TAF1D: variants seen among roughly 807,000 people sequenced by gnomAD.
TAF1D encodes the protein TATA box-binding protein-associated factor RNA polymerase I subunit D.
A neutral mutation model predicts 26.2 loss-of-function variants in TAF1D; 23 were observed. The ratio of observed to expected loss-of-function variants is 0.88; its 90% CI spans 0.63 to 1.25. TAF1D has a LOEUF of 1.25. Ranked by LOEUF, TAF1D falls within the 50% of genes most tolerant of loss-of-function variation. The pLI, the probability that TAF1D is intolerant of heterozygous loss-of-function variation, is 0.00. For missense variants in TAF1D, 299 were observed against 322.0 expected (o/e 0.93, Z 0.55); for synonymous variants, 100 against 105.6 (o/e 0.95, Z 0.33).
At chr11:93,736,530 T>C in intron 5 of TAF1D, 164 bp downstream of exon 5, 4 of 1,424,266 alleles carry the variant, frequency 2.8e-6, no homozygotes, top group Non-Finnish European at 3.7e-6. Context: ...ATGTTCTTTA[T>C]CAAGTCTCTA....
At chr11:93,736,377 G>C in intron 5 of TAF1D, 73 bp from the exon 6 acceptor site, 1 of 1,483,368 alleles carries the variant, frequency 6.7e-7, no homozygotes, top group Admixed American at 2.7e-5. Flanking sequence ...ATAGCTGAAT[G>C]CCCTGGATTA....
At position 93,736,065 on chromosome 11, in the gene TAF1D, T is replaced by C; in HGVS notation, c.*96A>G. 1 of 1,504,540 alleles carries C rather than the reference T, an allele frequency of 6.6e-7. No individual in the cohort carries two copies. Among genetic ancestry groups the C allele is most frequent in the Non-Finnish European group, 8.8e-7 (1 of 1,135,290 alleles). 93.2% of individuals were successfully genotyped at this position (1,504,540 alleles called of 1,614,324 possible). A position where few individuals can be genotyped will look rare whatever the true frequency, so the allele number is the denominator to read the frequency against. On this transcript the variant is annotated 3_prime_UTR_variant, in exon 6 of 6. Transcript: ENST00000448108. ...TAAAGTTCTGGGTTTCAGAATTTCT[T>C]CACCACCAGACTGGTACATATATCC... is the stretch of plus-strand genomic sequence containing the variant.
At position 93,741,457 on chromosome 11, in the gene TAF1D, A is replaced by G; in HGVS notation, c.-163T>C. ...CCCGACCTCAGCCCTCCAACTCCCG[A>G]TAACCAGCCGACCTCCTCCAACCGT... On this transcript the variant is annotated 5_prime_UTR_variant, in exon 1 of 6. Coordinates refer to ENST00000448108, the MANE Select transcript of TAF1D (RefSeq NM_024116.4). 1 of 456,154 alleles carries G rather than the reference A, an allele frequency of 2.2e-6. No individual in the cohort carries two copies. The highest frequency in any genetic ancestry group is 4.4e-6 in the Non-Finnish European group (1 of 226,948). The allele number at this position is 456,154 out of a possible 1,614,324, so 28.3% of individuals were successfully genotyped here.
At chr11:93,732,472 C>CTGCTGAGTGCAGA, downstream of TAF1D, 1 of 518,858 alleles carries the variant, frequency 1.9e-6, no homozygotes, top group Non-Finnish European at 3.8e-6. Context: ...CAGGTGTAAA[C>CTGCTGAGTGCAGA]TGCTGAGTGC....
At chr11:93,740,258 C>T (rs961915038) in intron 1 of TAF1D, among the ~76,000 whole-genome samples, 34 of 151,606 alleles carry the variant, frequency 2.2e-4, no homozygotes, top group Non-Finnish European at 4.7e-4. Context: ...GCCTCAGCAA[C>T]ACAAGGAGAC....
downstream of TAF1D, chr11:93,734,182 AG>A: frequency 6.5e-6 from 1 of 153,712 alleles, no homozygotes; most frequent in East Asian, 1.9e-4. Flanking sequence ...TATAAAATAC[AG>A]GAATATAATG....
chr11:93,735,022 G>A, downstream of TAF1D: 2 of 1,238,718 alleles, frequency 1.6e-6, no homozygotes, highest in Admixed American at 2.6e-5. Flanking sequence ...CCTTGGTGTG[G>A]GGATTGCAGG....
chr11:93,731,186 T>C (rs1019009032), downstream of TAF1D: 2 of 438,414 alleles, frequency 4.6e-6, no homozygotes, highest in African/African-American at 4.1e-5. Flanking sequence ...CGTTTTAATA[T>C]GGATATACTG....
downstream of TAF1D, chr11:93,731,190 T>C (rs553411458): frequency 4.6e-6 from 2 of 437,912 alleles, no homozygotes; most frequent in African/African-American, 2.0e-5. Flanking sequence ...TTAATATGGA[T>C]ATACTGATGA....
chr11:93,733,747 C>A, downstream of TAF1D: 1 of 312,616 alleles, frequency 3.2e-6, no homozygotes. Flanking sequence ...AGCCTCAAAC[C>A]GCTGGGCTCA....
intron 5 of TAF1D, 173 bp from the exon 6 acceptor site, chr11:93,736,477 A>T: frequency 7.0e-7 from 1 of 1,425,184 alleles, no homozygotes; most frequent in Non-Finnish European, 9.1e-7. Context: ...TAGCAATAAT[A>T]TGTATCAGAA....
downstream of TAF1D, chr11:93,733,649 CTT>C (rs1294253303): frequency 2.0e-6 from 1 of 489,990 alleles, no homozygotes; most frequent in African/African-American, 2.0e-5. Context: ...TCTGCCATGT[CTT>C]TTAAAAATCG....
At chr11:93,736,786 A>C in intron 4 of TAF1D, 35 bp from the exon 5 acceptor site, 1 of 1,581,414 alleles carries the variant, frequency 6.3e-7, no homozygotes, top group Non-Finnish European at 8.6e-7. Context: ...AGATGACAGA[A>C]TCTTCGATGA....
chr11:93,737,283 A>G (rs1940989463), intron 3 of TAF1D, 44 bp from the exon 4 acceptor site: 2 of 1,443,222 alleles, frequency 1.4e-6, no homozygotes, highest in African/African-American at 2.9e-5. Flanking sequence ...TTTTATTTTT[A>G]AGACCCAGCA....
At chr11:93,731,573 C>T (rs752592599), downstream of TAF1D, 8 of 518,624 alleles carry the variant, frequency 1.5e-5, no homozygotes, top group South Asian at 2.8e-5. Context: ...ATCATAACAT[C>T]GTTAATAATG....
rs1385201471 is a variant in TAF1D, at chr11:93,737,086, T to G, written c.613A>C (p.Ile205Leu). The G allele has an allele frequency of 6.2e-7, 1 of 1,605,878 alleles. No homozygotes were observed. Among genetic ancestry groups the G allele is most frequent in the Non-Finnish European group, 8.5e-7 (1 of 1,177,174 alleles). ...TACGTTGACTCCTCAATAGGAGAAA[T>G]GGATCCATCATCATCCAAAAATTTG... ...RYKFLDDDGS[I>L]SPIEESTAED... Residue 205 changes from isoleucine to leucine, a missense_variant, in exon 4 of 6, where the codon ATT becomes CTT. Ile to Leu is a conservative substitution (Grantham distance 5, BLOSUM62 2). Coordinates refer to ENST00000448108, the MANE Select transcript of TAF1D (RefSeq NM_024116.4).
At chr11:93,734,504 A>T, downstream of TAF1D, 1 of 390,936 alleles carries the variant, frequency 2.6e-6, no homozygotes, top group South Asian at 1.9e-5. Flanking sequence ...TTCAGAAATC[A>T]GTATAAATGG....
chr11:93,734,718 A>G, downstream of TAF1D: 1 of 1,286,830 alleles, frequency 7.8e-7, no homozygotes, highest in African/African-American at 1.5e-5. Context: ...TGCAAAATTA[A>G]TACTGCTGAG....
At chr11:93,734,216 C>T (rs1333885782), downstream of TAF1D, 1 of 155,318 alleles carries the variant, frequency 6.4e-6, no homozygotes, top group Non-Finnish European at 1.4e-5. Flanking sequence ...ACGACTTTGG[C>T]ATTATATAAC....
Sources: allele counts gnomAD v4.1 joint callset (sites outside exome capture counted in the v4.1 genomes callset), GRCh38; gene constraint gnomAD v4.1.1; transcripts MANE v1.5; gene names NCBI Gene and HGNC (gene_info 2026-07-23, HGNC 2026-07-21).